Variants in CELF6 observed in about 807,000 individuals in gnomAD.
CELF6 encodes the protein CUGBP Elav-like family member 6.
Under a neutral mutation model 53.1 loss-of-function variants are expected in CELF6, and 32 were observed. That is an observed-to-expected ratio of 0.60 (90% CI 0.46 to 0.81). The LOEUF is 0.81. CELF6 is among the 30% of genes least tolerant of loss of function. The probability of loss-of-function intolerance (pLI) is 0.00; values close to 1 mark genes in which losing one functional copy is unlikely to be tolerated. For missense variants in CELF6, 539 were observed against 669.5 expected (o/e 0.81, Z 2.15); for synonymous variants, 291 against 288.8 (o/e 1.01, Z -0.08).
intron 3 of CELF6, among the ~76,000 whole-genome samples, chr15:72,293,596 C>T (rs1016301912): frequency 5.3e-5 from 8 of 152,046 alleles, no homozygotes; most frequent in African/African-American, 1.5e-4. Context: ...GCAGCATCAG[C>T]GCAGAGTTGA....
At chr15:72,302,174 A>C (rs1472484223) in intron 3 of CELF6, among the ~76,000 whole-genome samples, 3 of 152,248 alleles carry the variant, frequency 2.0e-5, no homozygotes, top group Non-Finnish European at 4.4e-5. Context: ...TGTTAGTATT[A>C]AAATACTTAT....
In CELF6 at chr15:72,289,900, C is replaced by A; in HGVS notation, c.603+39G>T. 1 of 1,539,070 alleles carries A rather than the reference C, an allele frequency of 6.5e-7. No homozygotes were observed. Among genetic ancestry groups the A allele is most frequent in the Non-Finnish European group, 8.7e-7 (1 of 1,145,440 alleles). On this transcript the variant is annotated intron_variant, in intron 5 of 12. Transcript: ENST00000287202. The surrounding 1 kb of genome is among the most constrained non-coding windows in gnomAD (Gnocchi z 7.6). Reference sequence around the variant, plus strand: ...CGGGGAGGAGAAGCCCGTCCCCACCCCACTGGCCTCACCCTCAGCCCAGGG... The same window carrying A: ...CGGGGAGGAGAAGCCCGTCCCCACCACACTGGCCTCACCCTCAGCCCAGGG...
rs2912211 is a variant in CELF6 at position 72,285,593 on chromosome 15, A to G, written c.*778T>C. ...AAGCAGTGGTTCCACAGGAAAGGCA[A>G]TCCCACTCTTGCTGGCTAGGGGGCC... On this transcript the variant is annotated 3_prime_UTR_variant, in exon 13 of 13. Transcript: ENST00000287202. The G allele has an allele frequency of 0.031, 4,732 of 152,372 alleles. 232 individuals are homozygous for G. Among genetic ancestry groups the G allele is most frequent in the African/African-American group, 0.087 (3,627 of 41,552 alleles). 9.4% of individuals were successfully genotyped at this position (152,372 alleles called of 1,614,324 possible).
In CELF6 at chr15:72,289,735, G is replaced by C. The variant is rs1196687418; in HGVS notation, c.639C>G (p.Asp213Glu). 6.8e-7 allele frequency: 1 copy of C among 1,472,040 alleles called. No homozygotes were observed. The highest frequency in any genetic ancestry group is 8.9e-7 in the Non-Finnish European group (1 of 1,119,426). The allele number at this position is 1,472,040 out of a possible 1,614,324, so 91.2% of individuals were successfully genotyped here. ...ASSSLVVKLA[D>E]TDRERALRRM... ...GCCGCAGCGCGCGCTCCCGGTCGGT[G>C]TCCGCCAGCTTGACCACGAGGCTGG... Residue 213 changes from aspartate (D) to glutamate (E), a missense_variant, in exon 6 of 13, where the codon GAC becomes GAG. Around this residue, in one of 3 missense-constraint regions of CELF6, gnomAD observed 358 missense variants for 412.8 expected, o/e 0.87. Transcript: ENST00000287202. This position sits in a 1 kb window ranked among gnomAD's most constrained non-coding sequence, Gnocchi z 7.6.
intron 3 of CELF6, among the ~76,000 whole-genome samples, chr15:72,299,596 G>T (rs113972081): frequency 0.055 from 8,316 of 152,008 alleles, 537 homozygotes; most frequent in African/African-American, 0.15. Context: ...CCTGAGCTCA[G>T]CCAATCCACC....
At chr15:72,318,763 G>T (rs1316506380) in intron 1 of CELF6, among the ~76,000 whole-genome samples, 1 of 152,160 alleles carries the variant, frequency 6.6e-6, no homozygotes, top group East Asian at 1.9e-4. Context: ...GGGAGGGAAA[G>T]AAAGAGGCCA....
intron 3 of CELF6, among the ~76,000 whole-genome samples, chr15:72,293,354 T>C (rs1234862558): frequency 6.6e-6 from 1 of 152,014 alleles, no homozygotes; most frequent in African/African-American, 2.4e-5. Flanking sequence ...GATCTGAACA[T>C]TCTGATGGCT....
chr15:72,300,989 A>ATTT (rs11371218), intron 3 of CELF6, among the ~76,000 whole-genome samples: 66 of 147,336 alleles, frequency 4.5e-4, no homozygotes, highest in African/African-American at 1.6e-3. Flanking sequence ...AGCTAAAATG[A>ATTT]TTTTTTTTTT....
chr15:72,316,099 G>A (rs1057188725), intron 1 of CELF6, among the ~76,000 whole-genome samples, 172 bp from the exon 2 acceptor site: 3 of 152,122 alleles, frequency 2.0e-5, no homozygotes, highest in African/African-American at 4.8e-5. Context: ...CATGTGCCTG[G>A]GGACCAGTGT....
At chr15:72,314,200 C>G (rs1457004323) in intron 2 of CELF6, among the ~76,000 whole-genome samples, 1 of 152,138 alleles carries the variant, frequency 6.6e-6, no homozygotes, top group South Asian at 2.1e-4. Flanking sequence ...TAGCTCTTGG[C>G]GAAGCTTGCT....
intron 3 of CELF6, among the ~76,000 whole-genome samples, chr15:72,290,560 T>A (rs994963972): frequency 2.0e-5 from 3 of 152,194 alleles, no homozygotes. Flanking sequence ...GAGCCCTATA[T>A]GCATTGTTTT....
At chr15:72,312,323 A>G (rs1353633775) in intron 2 of CELF6, among the ~76,000 whole-genome samples, 3 of 152,158 alleles carry the variant, frequency 2.0e-5, no homozygotes, top group Non-Finnish European at 2.9e-5. Context: ...GGTCTTAGTC[A>G]ATCAGAATCC....
In CELF6 at chr15:72,292,279, A is replaced by G. The variant is rs192890202; in HGVS notation, c.395-2024T>C. ...CTGTTCAGGAGCCTGAGAAGACAGG[A>G]AAGGTCTTTCATGAGTCTCTCAACC... On this transcript the variant is annotated intron_variant, in intron 3 of 12. Transcript: ENST00000287202. 1,602 of 1,528,584 alleles carry G rather than the reference A, an allele frequency of 1.0e-3. 1 individual carries two copies. Among genetic ancestry groups the G allele is most frequent in the Non-Finnish European group, 1.2e-3 (1,395 of 1,142,012 alleles). The allele number at this position is 1,528,584 out of a possible 1,614,324, so 94.7% of individuals were successfully genotyped here.
chr15:72,294,842 G>C (rs1567279613), intron 3 of CELF6, among the ~76,000 whole-genome samples: 1 of 151,928 alleles, frequency 6.6e-6, no homozygotes, highest in Non-Finnish European at 1.5e-5. Flanking sequence ...GCCAGGCATG[G>C]TGGCATGTGT....
At chr15:72,292,225 TG>T in intron 3 of CELF6, 1 of 1,535,654 alleles carries the variant, frequency 6.5e-7, no homozygotes, top group Non-Finnish European at 8.7e-7. Flanking sequence ...GAGTTCCAGC[TG>T]TTGTTTGAGG....
At chr15:72,294,977 C>A (rs1185909188) in intron 3 of CELF6, among the ~76,000 whole-genome samples, 2,082 of 104,750 alleles carry the variant, frequency 0.02, 1 homozygote, top group Non-Finnish European at 0.022. Flanking sequence ...GACTGTGTCT[C>A]AAAAAAAAAA....
Position 72,320,140 on chromosome 15 carries a change from G to A in CELF6, c.-266C>T, listed in dbSNP as rs1331881869. The stretch of plus-strand genomic sequence containing the variant: ...TTGAGGTCCCCGTGCGGCTCTCTCT[G>A]GGCTCCCGCCCGAGCTCTCCCAGAG... On this transcript the variant is annotated 5_prime_UTR_variant, in exon 1 of 13. Transcript: ENST00000287202. 6 of 636,466 alleles carry A rather than the reference G, an allele frequency of 9.4e-6. No homozygotes were observed. Among genetic ancestry groups the A allele is most frequent in the South Asian group, 1.5e-5 (1 of 65,950 alleles). 39.4% of individuals were successfully genotyped at this position (636,466 alleles called of 1,614,324 possible). A position where few individuals can be genotyped will look rare whatever the true frequency, so the allele number is the denominator to read the frequency against.
chr15:72,311,061 G>T (rs112629316), intron 2 of CELF6, among the ~76,000 whole-genome samples: 198 of 152,250 alleles, frequency 1.3e-3, no homozygotes, highest in African/African-American at 4.0e-3. Context: ...GATAAAATAT[G>T]ATCATGATTC....
intron 3 of CELF6, among the ~76,000 whole-genome samples, chr15:72,300,378 GTAAA>G (rs1387883795): frequency 2.7e-5 from 4 of 146,758 alleles, no homozygotes; most frequent in Admixed American, 6.7e-5. Context: ...AAAAAAAAAA[GTAAA>G]TAAACAGACA....
Sources: allele counts gnomAD v4.1 joint callset (sites outside exome capture counted in the v4.1 genomes callset), GRCh38; gene constraint gnomAD v4.1.1; regional missense constraint gnomAD v4.1.1; non-coding constraint Gnocchi (gnomAD v3.1); transcripts MANE v1.5; gene names NCBI Gene and HGNC (gene_info 2026-07-23, HGNC 2026-07-21).